The following CDH23 variants were observed in gnomAD, a reference collection of about 807,000 sequenced individuals.
CDH23 encodes the protein cadherin related 23, also known as cadherin-23.
Under a neutral mutation model 317.1 loss-of-function variants are expected in CDH23, and 189 were observed. The ratio of observed to expected loss-of-function variants is 0.60; its 90% CI spans 0.53 to 0.67. The LOEUF (loss-of-function observed/expected upper bound fraction) is 0.67, where lower values mean the gene tolerates loss of function less well. CDH23 is among the 30% of genes least tolerant of loss of function. The probability of loss-of-function intolerance (pLI) is 0.00; values close to 1 mark genes in which losing one functional copy is unlikely to be tolerated. For synonymous variants in CDH23, 1,839 were observed against 1,876.8 expected (o/e 0.98, Z 0.52); for missense variants, 4,401 against 4,592.4 (o/e 0.96, Z 1.20).
intron 1 of CDH23, among the ~76,000 whole-genome samples, chr10:71,417,641 T>C (rs933601228): frequency 3.3e-5 from 5 of 151,990 alleles, no homozygotes; most frequent in African/African-American, 1.2e-4. Context: ...ACAAGTTCTG[T>C]CTCTATCACC....
chr10:71,790,849 G>T, intron 46 of CDH23: 1 of 528,490 alleles, frequency 1.9e-6, no homozygotes, highest in Non-Finnish European at 3.4e-6. Flanking sequence ...CAACAGAGAC[G>T]GTCAACCCTG....
intron 3 of CDH23, among the ~76,000 whole-genome samples, chr10:71,474,446 T>C (rs1002414891): frequency 3.3e-5 from 5 of 152,160 alleles, no homozygotes; most frequent in African/African-American, 9.7e-5. Context: ...CCCCACTTAG[T>C]AGAGCTCTCA....
At chr10:71,492,405 C>T (rs1275933689) in intron 3 of CDH23, among the ~76,000 whole-genome samples, 2 of 152,184 alleles carry the variant, frequency 1.3e-5, no homozygotes, top group East Asian at 3.9e-4. Context: ...AAACCAAACA[C>T]ACCCAACTAA....
chr10:71,410,787 G>A (rs1204752504), intron 1 of CDH23, among the ~76,000 whole-genome samples: 1 of 152,118 alleles, frequency 6.6e-6, no homozygotes, highest in Non-Finnish European at 1.5e-5. Context: ...TTGTTTGTGG[G>A]AGTCATCCTG....
intron 11 of CDH23, among the ~76,000 whole-genome samples, chr10:71,623,978 T>C (rs1033106980): frequency 2.6e-5 from 4 of 152,206 alleles, no homozygotes; most frequent in African/African-American, 9.6e-5. Flanking sequence ...CAGGCAAGAC[T>C]CGTCCTCCCG....
At chr10:71,444,684 G>C (rs1298916272) in intron 2 of CDH23, among the ~76,000 whole-genome samples, 1 of 152,194 alleles carries the variant, frequency 6.6e-6, no homozygotes, top group Admixed American at 6.5e-5. Context: ...AGCTCTGCCT[G>C]GTCCCAACTA....
chr10:71,711,246 A>G (rs1185547992), intron 27 of CDH23, among the ~76,000 whole-genome samples: 1 of 151,980 alleles, frequency 6.6e-6, no homozygotes, highest in African/African-American at 2.4e-5. Flanking sequence ...AGCCTCCCAC[A>G]CACACACCAA....
rs1332341111 is a variant in CDH23 at position 71,752,888 on chromosome 10, C to T, written c.4845+10967C>T. 4 of 1,490,162 alleles carry T rather than the reference C, an allele frequency of 2.7e-6. No individual in the cohort carries two copies. The African/African-American group carries it at 5.6e-5, about 21-fold the overall frequency. The allele number at this position is 1,490,162 out of a possible 1,614,324, so 92.3% of individuals were successfully genotyped here. A position where few individuals can be genotyped will look rare whatever the true frequency, so the allele number is the denominator to read the frequency against. On this transcript the variant is annotated intron_variant, in intron 38 of 69. Coordinates refer to ENST00000224721, the MANE Select transcript of CDH23 (RefSeq NM_022124.6). Reference sequence around the variant, plus strand: ...TCTTCTGACCAGCTGCTCTAGGCAGCTAAACAGGGCCCCTACTGCACAGAA... The same window carrying T: ...TCTTCTGACCAGCTGCTCTAGGCAGTTAAACAGGGCCCCTACTGCACAGAA...
intron 6 of CDH23, among the ~76,000 whole-genome samples, chr10:71,549,040 T>C (rs768076624): frequency 6.6e-6 from 1 of 152,240 alleles, no homozygotes; most frequent in Admixed American, 6.5e-5. Context: ...CCATTGTGAA[T>C]GAGGCAGAGC....
chr10:71,647,810 G>A (rs1862967997), intron 14 of CDH23: 1 of 152,268 alleles, frequency 6.6e-6, no homozygotes, highest in African/African-American at 2.4e-5. Context: ...TCTAAGACAA[G>A]GGATTGAATG....
At chr10:71,762,362 G>A (rs925178187) in intron 38 of CDH23, among the ~76,000 whole-genome samples, 2 of 152,224 alleles carry the variant, frequency 1.3e-5, no homozygotes, top group South Asian at 4.1e-4. Flanking sequence ...TTGGGGAGCA[G>A]GAAGGCTGTT....
At chr10:71,585,692 C>T (rs887807543) in intron 9 of CDH23, among the ~76,000 whole-genome samples, 2 of 152,230 alleles carry the variant, frequency 1.3e-5, no homozygotes, top group African/African-American at 4.8e-5. Context: ...GCACTTCTTC[C>T]TTCCCCCTGA....
intron 6 of CDH23, among the ~76,000 whole-genome samples, chr10:71,525,634 A>G (rs10999864): frequency 0.19 from 29,307 of 152,034 alleles, 3,147 homozygotes; most frequent in African/African-American, 0.29. Flanking sequence ...AGGAACCCAT[A>G]CCATAGGTGG....
intron 8 of CDH23, among the ~76,000 whole-genome samples, chr10:71,576,127 G>A (rs1192965060): frequency 6.6e-6 from 1 of 152,220 alleles, no homozygotes; most frequent in Admixed American, 6.5e-5. Flanking sequence ...TCTGAGGACT[G>A]AGGGCACTTT....
At chr10:71,583,638 G>C (rs1265282830) in intron 9 of CDH23, among the ~76,000 whole-genome samples, 1 of 152,148 alleles carries the variant, frequency 6.6e-6, no homozygotes, top group Non-Finnish European at 1.5e-5. Flanking sequence ...ATGCTGAAAA[G>C]GCTTAATCTC....
chr10:71,480,215 G>A (rs1328833445), intron 3 of CDH23, among the ~76,000 whole-genome samples: 5 of 152,248 alleles, frequency 3.3e-5, no homozygotes, highest in Non-Finnish European at 5.9e-5. Flanking sequence ...GGGGTTGCTC[G>A]AGATTCTCAG....
At chr10:71,797,069 T>C in intron 48 of CDH23, 35 bp from the exon 49 acceptor site, 2 of 1,453,322 alleles carry the variant, frequency 1.4e-6, no homozygotes, top group East Asian at 2.3e-5. Context: ...TAGGGGGTTC[T>C]TCTCAGGCTG....
intron 6 of CDH23, among the ~76,000 whole-genome samples, chr10:71,551,018 C>T (rs889909185): frequency 1.3e-5 from 2 of 152,212 alleles, no homozygotes; most frequent in African/African-American, 4.8e-5. Flanking sequence ...ACAGTACAAA[C>T]GAGCGGCAAA....
intron 65 of CDH23, 79 bp downstream of exon 65, chr10:71,811,832 C>T: frequency 3.8e-6 from 6 of 1,574,818 alleles, no homozygotes; most frequent in East Asian, 2.3e-5. Context: ...AGCCACAAGC[C>T]TGGCTCAGGC....
Sources: gnomAD v4.1 joint callset for allele counts (sites outside exome capture counted in the v4.1 genomes callset) on GRCh38, gnomAD v4.1.1 for gene constraint, MANE v1.5 for transcripts, NCBI Gene and HGNC (gene_info 2026-07-23, HGNC 2026-07-21) for gene names.